The following ZC3H14 variants were observed in gnomAD, a reference collection of about 807,000 sequenced individuals.
ZC3H14 encodes the protein zinc finger CCCH-type containing 14, also known as zinc finger CCCH domain-containing protein 14.
ZC3H14 carries 31 observed loss-of-function variants against 92.4 expected under a neutral mutation model. That is an observed-to-expected ratio of 0.34 (90% CI 0.25 to 0.45). ZC3H14 has a LOEUF of 0.45. Among genes scored for constraint, ZC3H14 ranks in the 20% least tolerant of loss-of-function variants. The pLI is 1.00. For synonymous variants in ZC3H14, 321 were observed against 300.9 expected (o/e 1.07, Z -0.69); for missense variants, 781 against 897.3 (o/e 0.87, Z 1.66).
intron 13 of ZC3H14, 91 bp downstream of exon 13, chr14:88,607,454 A>C: frequency 6.9e-7 from 1 of 1,455,364 alleles, no homozygotes; most frequent in Non-Finnish European, 9.3e-7. Flanking sequence ...CCTGGCAAGT[A>C]CCATCCCATC....
chr14:88,572,558 TTTG>T lies in ZC3H14; in HGVS notation c.432-14_432-12del. On this transcript the variant is annotated splice_polypyrimidine_tract_variant and intron_variant, in intron 5 of 16. Coordinates refer to ENST00000251038, the MANE Select transcript of ZC3H14 (RefSeq NM_024824.5). ...TTGCCCTAATTTGGCTGTAATACAT[TTTG>T]TTGTTCTTTTAAATAGACAGACTTA... The T allele has an allele frequency of 1.9e-6, 3 of 1,613,902 alleles. No homozygotes were observed. The highest frequency in any genetic ancestry group is 1.7e-6 in the Non-Finnish European group (2 of 1,179,984).
rs545744009 is a variant in ZC3H14, at chr14:88,627,497, C to T, written c.*15746C>T. On this transcript the variant is annotated 3_prime_UTR_variant, in exon 17 of 17. Coordinates refer to ENST00000251038, the MANE Select transcript of ZC3H14 (RefSeq NM_024824.5). Reference sequence around the variant, plus strand: ...CACTGGGCTTTTAAAGTGAAATATACCTACAGTACCACTGTGTACAGTATA... The same window carrying T: ...CACTGGGCTTTTAAAGTGAAATATATCTACAGTACCACTGTGTACAGTATA... 15 of 680,892 alleles carry T rather than the reference C, an allele frequency of 2.2e-5. No homozygotes were observed. In the African/African-American group the frequency reaches 2.6e-4, roughly 12 times the overall value. The allele number at this position is 680,892 out of a possible 1,614,324, so 42.2% of individuals were successfully genotyped here.
Position 88,624,695 on chromosome 14 carries a change from A to G in ZC3H14, c.*12944A>G. The G allele has an allele frequency of 5.3e-6, 2 of 378,920 alleles. No individual in the cohort carries two copies. The highest frequency in any genetic ancestry group is 3.1e-5 in the South Asian group (1 of 32,112). The allele number at this position is 378,920 out of a possible 1,614,324, so 23.5% of individuals were successfully genotyped here. On this transcript the variant is annotated 3_prime_UTR_variant, in exon 17 of 17. Coordinates refer to ENST00000251038, the MANE Select transcript of ZC3H14 (RefSeq NM_024824.5). ...CCTACTCAGCAAATCATACACAGGCATACAGACATTAAGAAAAGTAACTCA... is the reference window on the plus strand; with the variant it reads ...CCTACTCAGCAAATCATACACAGGCGTACAGACATTAAGAAAAGTAACTCA...
chr14:88,567,410 T>C (rs1020567757), intron 2 of ZC3H14, among the ~76,000 whole-genome samples: 5 of 150,516 alleles, frequency 3.3e-5, no homozygotes, highest in Admixed American at 1.3e-4. Flanking sequence ...CCACCGCGCC[T>C]GGCCTTTTTT....
chr14:88,590,498 T>C (rs1346197935), intron 9 of ZC3H14: 2 of 152,384 alleles, frequency 1.3e-5, no homozygotes, highest in Admixed American at 1.3e-4. Context: ...ATGTTTACTT[T>C]GGATGTTCTC....
chr14:88,609,685 G>A (rs1435183938), intron 14 of ZC3H14, 27 bp from the exon 15 acceptor site: 1 of 1,613,004 alleles, frequency 6.2e-7, no homozygotes, highest in Admixed American at 1.7e-5. Context: ...ACAGATTGGA[G>A]ATCAGTCCTG....
In ZC3H14 at chr14:88,615,891, T is replaced by C; in HGVS notation, c.*4140T>C. ...GAAGAAAATTGCAGGGAGTTAATTA[T>C]GTTTTTAGATTTTCATAACAGTTTA... On this transcript the variant is annotated 3_prime_UTR_variant, in exon 17 of 17. Transcript: ENST00000251038. 1.9e-6 allele frequency: 3 copies of C among 1,592,370 alleles called. No homozygotes were observed. The highest frequency in any genetic ancestry group is 2.3e-5 in the South Asian group (2 of 86,972).
chr14:88,618,028 A>AAAT lies in ZC3H14; in HGVS notation c.*6278_*6280dup. On this transcript the variant is annotated 3_prime_UTR_variant, in exon 17 of 17. Transcript: ENST00000251038. ...GATTTCCTTAAAAAAAAAACTTGAT[A>AAAT]AATCATGGAAACTGATAAAACATGG... 1 of 379,980 alleles carries AAAT rather than the reference A, an allele frequency of 2.6e-6. No individual in the cohort carries two copies. Among genetic ancestry groups the AAAT allele is most frequent in the East Asian group, 4.0e-5 (1 of 24,946 alleles). The allele number at this position is 379,980 out of a possible 1,614,324, so 23.5% of individuals were successfully genotyped here.
chr14:88,565,523 T>C (rs61984708), intron 2 of ZC3H14, among the ~76,000 whole-genome samples: 38,591 of 152,126 alleles, frequency 0.25, 4,953 homozygotes, highest in East Asian at 0.32. Context: ...TGTAGCTAAG[T>C]GAACCAATCT....
In ZC3H14 at chr14:88,620,502, G is replaced by A. The variant is rs559470588; in HGVS notation, c.*8751G>A. On this transcript the variant is annotated 3_prime_UTR_variant, in exon 17 of 17. Transcript: ENST00000251038. The surrounding 1 kb of genome is among the most constrained non-coding windows in gnomAD (Gnocchi z 4.3). ...TGGTGGGATGAACTTAATGGACATG[G>A]CTAAGTGTTAACATGAATTCATCAA... 6 of 326,352 alleles carry A rather than the reference G, an allele frequency of 1.8e-5. No individual in the cohort carries two copies. The South Asian group carries it at 8.2e-4, about 45-fold the overall frequency. The allele number at this position is 326,352 out of a possible 1,614,324, so 20.2% of individuals were successfully genotyped here. A position where few individuals can be genotyped will look rare whatever the true frequency, so the allele number is the denominator to read the frequency against.
chr14:88,596,770 TC>T lies in ZC3H14; in HGVS notation c.1317del (p.Ile439MetfsTer4). 6.2e-7 allele frequency: 1 copy of T among 1,614,086 alleles called. No homozygotes were observed. The highest frequency in any genetic ancestry group is 8.5e-7 in the Non-Finnish European group (1 of 1,179,988). ...QQRQLLSRLQ[I>X]DPVMAETLQM... ...AGGCAATTATTATCCCGACTGCAAA[TC>T]GACCCAGTAATGGCAGAAACTCTGC... On this transcript the variant is annotated frameshift_variant, in exon 10 of 17. Coordinates refer to ENST00000251038, the MANE Select transcript of ZC3H14 (RefSeq NM_024824.5). LOFTEE classifies it high-confidence loss of function.
Position 88,609,406 on chromosome 14 carries a change from GA to G in ZC3H14, c.2005+4del. The G allele has an allele frequency of 6.2e-7, 1 of 1,613,898 alleles. No individual in the cohort carries two copies. Among genetic ancestry groups the G allele is most frequent in the Non-Finnish European group, 8.5e-7 (1 of 1,179,928 alleles). ...TCCAGTACTGTCTCCAAAACCAGGT[GA>G]GTGAGTGACTGTGCTACTACATTTG... On this transcript the variant is annotated splice_donor_region_variant and intron_variant, in intron 14 of 16. Transcript: ENST00000251038.
rs376074219 is a variant in ZC3H14, at chr14:88,612,576, T to C, written c.*825T>C. The C allele has an allele frequency of 3.3e-5, 5 of 152,646 alleles. No individual in the cohort carries two copies. Among genetic ancestry groups the C allele is most frequent in the African/African-American group, 1.2e-4 (5 of 41,468 alleles). The allele number at this position is 152,646 out of a possible 1,614,324, so 9.5% of individuals were successfully genotyped here. A position where few individuals can be genotyped will look rare whatever the true frequency, so the allele number is the denominator to read the frequency against. On this transcript the variant is annotated 3_prime_UTR_variant, in exon 17 of 17. Transcript: ENST00000251038. The stretch of plus-strand genomic sequence containing the variant: ...CTTTAAAGTCACAAGATTATAAATG[T>C]ACATATATATTCTCACATTCTGAAA...
chr14:88,578,134 A>T lies in ZC3H14; in HGVS notation c.1273A>T (p.Asn425Tyr). ...AACAAAAGGAGATTCTGTAGAAAAA[A>T]ATCAAGGTAATAACTTAAATGATGT... ...EETKGDSVEK[N>Y]QGTQQRQLLS... The change falls in exon 9 of 17, where the codon AAT becomes TAT. Residue 425 changes from asparagine to tyrosine, a missense_variant. By Grantham distance (143) the Asn-to-Tyr change is moderately radical. Transcript: ENST00000251038. The T allele has an allele frequency of 6.2e-7, 1 of 1,614,048 alleles. No homozygotes were observed. Among genetic ancestry groups the T allele is most frequent in the South Asian group, 1.1e-5 (1 of 91,074 alleles).
intron 9 of ZC3H14, chr14:88,595,262 G>T: frequency 7.2e-7 from 1 of 1,396,756 alleles, no homozygotes; most frequent in Admixed American, 2.6e-5. Flanking sequence ...GATTCTGCTT[G>T]ATTTAGCTTA....
At position 88,603,029 on chromosome 14, in the gene ZC3H14, G is replaced by A; in HGVS notation, c.1716G>A (p.Gln572=). The A allele has an allele frequency of 6.2e-7, 1 of 1,614,184 alleles. No homozygotes were observed. The highest frequency in any genetic ancestry group is 8.5e-7 in the Non-Finnish European group (1 of 1,180,026). The change falls in exon 12 of 17, where the codon CAG becomes CAA. Residue 572 remains glutamine (Q), a synonymous_variant. Transcript: ENST00000251038. ...HPQQLHLLSR[Q]LEDPNGSFSN... is the part of the protein sequence containing the mutation. Reference sequence around the variant, plus strand: ...AGCAGTTGCACTTGCTGAGCAGGCAGCTTGAGGACCCAAATGGTAGCTTTT... The same window carrying A: ...AGCAGTTGCACTTGCTGAGCAGGCAACTTGAGGACCCAAATGGTAGCTTTT...
At position 88,615,997 on chromosome 14, in the gene ZC3H14, T is replaced by A; in HGVS notation, c.*4246T>A. 1 of 1,267,300 alleles carries A rather than the reference T, an allele frequency of 7.9e-7. No homozygotes were observed. The highest frequency in any genetic ancestry group is 1.1e-6 in the Non-Finnish European group (1 of 900,184). 78.5% of individuals were successfully genotyped at this position (1,267,300 alleles called of 1,614,324 possible). A position where few individuals can be genotyped will look rare whatever the true frequency, so the allele number is the denominator to read the frequency against. On this transcript the variant is annotated 3_prime_UTR_variant, in exon 17 of 17. Transcript: ENST00000251038. ...CTTTTATTCTGTATTTGCATAAATA[T>A]GAGATTCTGAAGAGCCATCTGGTTA...
In ZC3H14 at chr14:88,616,313, A is replaced by G; in HGVS notation, c.*4562A>G. ...AAGTCAAAGGCTCTTATTAGGAACT[A>G]TAATCTCTATGACAAGAGCTGTGGA... On this transcript the variant is annotated 3_prime_UTR_variant, in exon 17 of 17. Transcript: ENST00000251038. The G allele has an allele frequency of 7.1e-7, 1 of 1,405,978 alleles. No individual in the cohort carries two copies. Among genetic ancestry groups the G allele is most frequent in the South Asian group, 1.2e-5 (1 of 85,992 alleles). 87.1% of individuals were successfully genotyped at this position (1,405,978 alleles called of 1,614,324 possible). A position where few individuals can be genotyped will look rare whatever the true frequency, so the allele number is the denominator to read the frequency against.
At chr14:88,592,407 A>G (rs1432861559) in intron 9 of ZC3H14, 2 of 152,186 alleles carry the variant, frequency 1.3e-5, no homozygotes, top group Non-Finnish European at 2.9e-5. Context: ...TTATTTTACA[A>G]ATTCCAGCAC....
Sources: allele counts gnomAD v4.1 joint callset (sites outside exome capture counted in the v4.1 genomes callset), GRCh38; gene constraint gnomAD v4.1.1; non-coding constraint Gnocchi (gnomAD v3.1); transcripts MANE v1.5; gene names NCBI Gene and HGNC (gene_info 2026-07-23, HGNC 2026-07-21).